Variants in LY75 observed in about 807,000 individuals in gnomAD.
LY75 encodes lymphocyte antigen 75.
Under a neutral mutation model 231.7 loss-of-function variants are expected in LY75, and 185 were observed. That is an observed-to-expected ratio of 0.80 (90% CI 0.71 to 0.90). LY75 has a LOEUF of 0.90. Among genes scored for constraint, LY75 ranks in the 40% least tolerant of loss-of-function variants. LY75 has a pLI of 0.00. For synonymous variants in LY75, 668 were observed against 689.0 expected, an observed-to-expected ratio of 0.97 and a Z score of 0.48; for missense variants, 1,947 against 2,050.2, an observed-to-expected ratio of 0.95 and a Z score of 0.97.
At position 159,881,092 on chromosome 2, in the gene LY75, G is replaced by A; in HGVS notation, c.1395C>T (p.Tyr465=). The stretch of plus-strand genomic sequence containing the variant: ...ACAGGAGGTTTCGTACCTCTCCTAA[G>A]TAGGAAACACAGTTGGGCGTCTTAT... ...PYNKTPNCVS[Y]LGELGQWKVQ... is the part of the protein sequence containing the mutation. The change falls in exon 8 of 35, where the codon TAC becomes TAT. Residue 465 remains tyrosine, a synonymous_variant. Transcript: ENST00000263636. The A allele has an allele frequency of 6.2e-7, 1 of 1,613,638 alleles. No individual in the cohort carries two copies. The highest frequency in any genetic ancestry group is 1.1e-5 in the South Asian group (1 of 91,052).
Position 159,859,687 on chromosome 2 carries a change from A to G in LY75, c.2268+1134T>C, listed in dbSNP as rs148077737. Among the ~76,000 whole-genome samples the G allele has an allele frequency of 2.0e-5, 3 of 152,274 alleles. No homozygotes were observed. In the East Asian group the frequency reaches 5.8e-4, roughly 29 times the overall value. On this transcript the variant is annotated intron_variant, in intron 15 of 34. Coordinates refer to ENST00000263636, the MANE Select transcript of LY75 (RefSeq NM_002349.4). ...CCAGACCCAGACACACATGGGTGTA[A>G]ATTTCAGTTCTTTCAGTTTAAATTT...
chr2:159,904,547 G>C lies in LY75; in HGVS notation c.94+42C>G, dbSNP rs778563473. On this transcript the variant is annotated intron_variant, in intron 1 of 34. Coordinates refer to ENST00000263636, the MANE Select transcript of LY75 (RefSeq NM_002349.4). ...TGGAAGGCAGCAGAGCTGTGGCGTC[G>C]AGGCACCCAGCGGACTGCGGGGCTG... The C allele has an allele frequency of 1.1e-5, 17 of 1,494,712 alleles. No homozygotes were observed. In the East Asian group the frequency reaches 2.3e-4, roughly 20 times the overall value. The allele number at this position is 1,494,712 out of a possible 1,614,324, so 92.6% of individuals were successfully genotyped here.
At chr2:159,834,720 A>T (rs1403535773) in intron 26 of LY75, among the ~76,000 whole-genome samples, 1 of 152,224 alleles carries the variant, frequency 6.6e-6, no homozygotes, top group Non-Finnish European at 1.5e-5. Context: ...TCTGATTATG[A>T]TCTTTTTCCA....
At position 159,834,143 on chromosome 2, in the gene LY75, A is replaced by G. The variant is rs1386495541; in HGVS notation, c.3742T>C (p.Trp1248Arg). ...KCPSPVLNTPWIPFQNCCYNF... is the reference protein window; with the variant it reads ...KCPSPVLNTPRIPFQNCCYNF... ...TAGCAACAGTTCTGAAATGGTATCCACGGAGTATTTAGAACAGGAGATGGA... is the reference window on the plus strand; with the variant it reads ...TAGCAACAGTTCTGAAATGGTATCCGCGGAGTATTTAGAACAGGAGATGGA... The change falls in exon 27 of 35, where the codon TGG (tryptophan) becomes CGG (arginine). Residue 1248 changes from tryptophan to arginine, a missense_variant. Transcript: ENST00000263636. The G allele has an allele frequency of 3.1e-6, 5 of 1,613,964 alleles. No homozygotes were observed. Among genetic ancestry groups the G allele is most frequent in the Non-Finnish European group, 4.2e-6 (5 of 1,179,974 alleles).
intron 31 of LY75, 121 bp downstream of exon 31, chr2:159,815,284 A>G: frequency 7.8e-7 from 1 of 1,284,558 alleles, no homozygotes; most frequent in Non-Finnish European, 1.0e-6. Flanking sequence ...TACAGGCGCG[A>G]GCCACTGCGC....
At chr2:159,904,049 A>C (rs1686159367) in intron 1 of LY75, among the ~76,000 whole-genome samples, 1 of 152,200 alleles carries the variant, frequency 6.6e-6, no homozygotes, top group South Asian at 2.1e-4. Flanking sequence ...GGTCTTGGTC[A>C]CTTTCGGAGG....
intron 12 of LY75, among the ~76,000 whole-genome samples, chr2:159,874,659 TATATATATATTTTGTAAATATATGTAA>T (rs1388080678): frequency 1.2e-4 from 9 of 72,014 alleles, no homozygotes; most frequent in Non-Finnish European, 1.7e-4. Context: ...ATTTTGTAAA[TATATATATATTTTGTAAATATATGTAA>T]ATATATATAT....
intron 17 of LY75, 138 bp from the exon 18 acceptor site, chr2:159,854,673 A>G: frequency 1.7e-6 from 2 of 1,191,442 alleles, no homozygotes; most frequent in Non-Finnish European, 2.3e-6. Context: ...ACTGACTACA[A>G]GGAACAAGAG....
chr2:159,850,571 T>C, intron 21 of LY75, 104 bp from the exon 22 acceptor site: 11 of 1,450,898 alleles, frequency 7.6e-6, no homozygotes, highest in Non-Finnish European at 1.0e-5. Flanking sequence ...TTTCGGTCTG[T>C]GAGATATGGT....
chr2:159,807,678 G>T, intron 33 of LY75: 1 of 983,962 alleles, frequency 1.0e-6, no homozygotes, highest in Non-Finnish European at 1.2e-6. Flanking sequence ...GATTCATTTA[G>T]ATGGACAACT....
At chr2:159,881,507 T>C (rs925396096) in intron 7 of LY75, among the ~76,000 whole-genome samples, 4 of 151,896 alleles carry the variant, frequency 2.6e-5, no homozygotes, top group Non-Finnish European at 5.9e-5. Flanking sequence ...GTGGGGTGAA[T>C]GAAATTCTAT....
At chr2:159,889,434 C>G (rs1285785563) in intron 4 of LY75, among the ~76,000 whole-genome samples, 1 of 151,982 alleles carries the variant, frequency 6.6e-6, no homozygotes, top group Admixed American at 6.6e-5. Flanking sequence ...TCTCACTTTG[C>G]CCAGGCTGGT....
intron 13 of LY75, chr2:159,871,995 T>C (rs528197383): frequency 6.5e-6 from 1 of 153,268 alleles, no homozygotes; most frequent in African/African-American, 2.4e-5. Flanking sequence ...TCCTTGACCA[T>C]ATCTGTATAT....
At chr2:159,893,426 G>A (rs1434255638) in intron 3 of LY75, among the ~76,000 whole-genome samples, 2 of 152,086 alleles carry the variant, frequency 1.3e-5, no homozygotes, top group Non-Finnish European at 2.9e-5. Context: ...TATGAAATGA[G>A]GTGTTGCCTG....
intron 4 of LY75, among the ~76,000 whole-genome samples, chr2:159,887,553 G>A (rs1685627944): frequency 9.4e-6 from 1 of 106,466 alleles, no homozygotes; most frequent in Non-Finnish European, 2.0e-5. Context: ...GCAGGACTCT[G>A]TCTCAACAAC....
chr2:159,820,239 G>C (rs1448879682), intron 28 of LY75, among the ~76,000 whole-genome samples: 1 of 152,054 alleles, frequency 6.6e-6, no homozygotes, highest in Non-Finnish European at 1.5e-5. Flanking sequence ...CATGTTTATA[G>C]CAGCACAATT....
chr2:159,827,042 G>A (rs1436590434), intron 28 of LY75, among the ~76,000 whole-genome samples: 1 of 152,162 alleles, frequency 6.6e-6, no homozygotes, highest in Non-Finnish European at 1.5e-5. Context: ...CCAGGACATA[G>A]GCATGGGCAA....
chr2:159,889,194 A>T (rs566970183), intron 4 of LY75, among the ~76,000 whole-genome samples: 1 of 152,296 alleles, frequency 6.6e-6, no homozygotes, highest in South Asian at 2.1e-4. Flanking sequence ...TATCATTTTC[A>T]TGGTTGAGAA....
Position 159,878,624 on chromosome 2 carries a change from T to C in LY75, c.1604+9A>G. ...AAGTTTATGAGTACAAGTTTACTGA[T>C]GGTCACACCTGCTAGTGATAGTCAG... On this transcript the variant is annotated intron_variant, in intron 10 of 34. Coordinates refer to ENST00000263636, the MANE Select transcript of LY75 (RefSeq NM_002349.4). 6.2e-7 allele frequency: 1 copy of C among 1,613,998 alleles called. No homozygotes were observed. The highest frequency in any genetic ancestry group is 8.5e-7 in the Non-Finnish European group (1 of 1,179,946).
Sources: gnomAD v4.1 joint callset for allele counts (sites outside exome capture counted in the v4.1 genomes callset) on GRCh38, gnomAD v4.1.1 for gene constraint, MANE v1.5 for transcripts, NCBI Gene and HGNC (gene_info 2026-07-23, HGNC 2026-07-21) for gene names.